Variants in ASAH1 observed in about 807,000 individuals in gnomAD.
The protein encoded by ASAH1 is N-acylsphingosine amidohydrolase 1.
ASAH1 carries 70 observed loss-of-function variants against 59.5 expected under a neutral mutation model. The observed-to-expected ratio is 1.18, with a 90% confidence interval of 0.97 to 1.43. The LOEUF (loss-of-function observed/expected upper bound fraction) is 1.43, where lower values mean the gene tolerates loss of function less well. ASAH1 is among the 40% of genes most tolerant of loss of function. The probability of loss-of-function intolerance (pLI) is 0.00; values close to 1 mark genes in which losing one functional copy is unlikely to be tolerated. For synonymous variants in ASAH1, 213 were observed against 166.5 expected (o/e 1.28, Z -2.15); for missense variants, 660 against 482.5 (o/e 1.37, Z -3.45).
intron 4 of ASAH1, chr8:18,068,340 A>T (rs1414630184): frequency 6.6e-6 from 1 of 152,212 alleles, no homozygotes; most frequent in African/African-American, 2.4e-5. Flanking sequence ...TAACATTCAG[A>T]GTAGAGGGGA....
chr8:18,082,042 T>C (rs996561976), intron 1 of ASAH1, among the ~76,000 whole-genome samples: 1 of 152,192 alleles, frequency 6.6e-6, no homozygotes, highest in African/African-American at 2.4e-5. Context: ...TTTGCAACAA[T>C]GAAAACTTGA....
chr8:18,082,759 C>G (rs1444309037), intron 1 of ASAH1, among the ~76,000 whole-genome samples: 1 of 152,126 alleles, frequency 6.6e-6, no homozygotes, highest in African/African-American at 2.4e-5. Flanking sequence ...TCAAAGAACA[C>G]TAAACCCAAT....
chr8:18,076,638 G>C (rs752189332), intron 1 of ASAH1: 1 of 152,158 alleles, frequency 6.6e-6, no homozygotes, highest in Non-Finnish European at 1.5e-5. Flanking sequence ...AGATAAAGTA[G>C]AGTAGGTAAG....
At chr8:18,067,141 G>GCA in intron 5 of ASAH1, 79 bp downstream of exon 5, 1 of 1,163,096 alleles carries the variant, frequency 8.6e-7, no homozygotes, top group Non-Finnish European at 1.2e-6. Flanking sequence ...CACCTGTGCT[G>GCA]TATGTATATC....
intron 1 of ASAH1, among the ~76,000 whole-genome samples, chr8:18,080,773 G>C (rs1800619841): frequency 6.6e-6 from 1 of 152,154 alleles, no homozygotes; most frequent in Non-Finnish European, 1.5e-5. Context: ...GGCCAGGCTA[G>C]TCTCAAACTC....
rs1353922695 is a variant in ASAH1, at chr8:18,056,336, C to A, written c.*1198G>T. ...CATATTTAATAACCCACTTACATAA[C>A]CCTTGTTATTTAATTCAGATACGAT... is the stretch of plus-strand genomic sequence containing the variant. On this transcript the variant is annotated 3_prime_UTR_variant, in exon 14 of 14. Coordinates refer to ENST00000637790, the MANE Select transcript of ASAH1 (RefSeq NM_177924.5). 1 of 152,076 alleles carries A rather than the reference C, an allele frequency of 6.6e-6. No homozygotes were observed. The allele number at this position is 152,076 out of a possible 1,614,324, so 9.4% of individuals were successfully genotyped here.
At chr8:18,084,146 G>A (rs1800790205), upstream of ASAH1, 1 of 1,567,198 alleles carries the variant, frequency 6.4e-7, no homozygotes, top group South Asian at 1.1e-5. Context: ...CCCCTCCGCC[G>A]CGTGACCCGC....
chr8:18,082,310 C>T (rs928658965), intron 1 of ASAH1, among the ~76,000 whole-genome samples: 1 of 152,098 alleles, frequency 6.6e-6, no homozygotes, highest in African/African-American at 2.4e-5. Context: ...GAAAAAACAG[C>T]CTCCAACACC....
At chr8:18,073,202 T>G in intron 2 of ASAH1, 1 of 1,467,322 alleles carries the variant, frequency 6.8e-7, no homozygotes. Context: ...CTAAAACATT[T>G]CAGTATTTAA....
chr8:18,063,253 G>C, intron 6 of ASAH1, 23 bp from the exon 7 acceptor site: 1 of 1,590,484 alleles, frequency 6.3e-7, no homozygotes. Flanking sequence ...AGACAGAAGA[G>C]ACGTGTAATA....
chr8:18,081,429 T>G (rs894594814), intron 1 of ASAH1, among the ~76,000 whole-genome samples: 1 of 152,206 alleles, frequency 6.6e-6, no homozygotes, highest in Non-Finnish European at 1.5e-5. Context: ...TAAAACCATC[T>G]AATGGCCTCC....
At position 18,062,423 on chromosome 8, in the gene ASAH1, C is replaced by T. The variant is rs1207732153; in HGVS notation, c.504G>A (p.Gly168=). 4 of 1,613,966 alleles carry T rather than the reference C, an allele frequency of 2.5e-6. No homozygotes were observed. In the East Asian group the frequency reaches 6.7e-5, roughly 27 times the overall value. The change falls in exon 8 of 14, where the codon GGG becomes GGA. Residue 168 remains glycine, a splice_region_variant and synonymous_variant. Coordinates refer to ENST00000637790, the MANE Select transcript of ASAH1 (RefSeq NM_177924.5). ...CCCAGGTATCATTATTTATGTTCCA[C>T]CTATAAAAGACATGTTTCAGTGACA... is the stretch of plus-strand genomic sequence containing the variant. The part of the protein sequence containing the change: ...GRNMDFGVFL[G]WNINNDTWVI...
intron 1 of ASAH1, among the ~76,000 whole-genome samples, chr8:18,079,345 A>G (rs1310201685): frequency 6.6e-6 from 1 of 151,744 alleles, no homozygotes; most frequent in Admixed American, 6.6e-5. Context: ...AAATTCTCTA[A>G]TTTTTCTGGT....
At chr8:18,060,511 T>A (rs1457250687) in intron 10 of ASAH1, 1 of 152,242 alleles carries the variant, frequency 6.6e-6, no homozygotes. Flanking sequence ...TATGTAGGAC[T>A]TAGAGAACAG....
At position 18,070,213 on chromosome 8, in the gene ASAH1, G is replaced by A. The variant is rs142113173; in HGVS notation, c.217-335C>T. On this transcript the variant is annotated intron_variant, in intron 3 of 13. Coordinates refer to ENST00000637790, the MANE Select transcript of ASAH1 (RefSeq NM_177924.5). Reference sequence around the variant, plus strand: ...CGCCCAGGCCGGAGTGCAATGGCACGATCTCTGCTCACCGCAACCTCTGCC... The same window carrying A: ...CGCCCAGGCCGGAGTGCAATGGCACAATCTCTGCTCACCGCAACCTCTGCC... 1.3e-3 allele frequency among the ~76,000 whole-genome samples: 200 copies of A among 150,712 alleles called. 1 individual carries two copies. Among genetic ancestry groups the A allele is most frequent in the African/African-American group, 4.5e-3 (186 of 41,054 alleles).
rs917820140 is a variant in ASAH1 at position 18,056,481 on chromosome 8, A to G, written c.*1053T>C. The G allele has an allele frequency of 2.0e-5, 3 of 152,226 alleles. No homozygotes were observed. Among genetic ancestry groups the G allele is most frequent in the African/African-American group, 7.2e-5 (3 of 41,456 alleles). 9.4% of individuals were successfully genotyped at this position (152,226 alleles called of 1,614,324 possible). Reference sequence around the variant, plus strand: ...TTCCAGTGACTGTTTATTGAGTGTCAGGAACACAACTGTGATTATACAAAA... The same window carrying G: ...TTCCAGTGACTGTTTATTGAGTGTCGGGAACACAACTGTGATTATACAAAA... On this transcript the variant is annotated 3_prime_UTR_variant, in exon 14 of 14. Coordinates refer to ENST00000637790, the MANE Select transcript of ASAH1 (RefSeq NM_177924.5).
intron 6 of ASAH1, 152 bp from the exon 7 acceptor site, chr8:18,063,382 C>A (rs549659684): frequency 2.8e-6 from 2 of 704,640 alleles, no homozygotes; most frequent in African/African-American, 1.8e-5. Context: ...CAGCTCACTG[C>A]GACCTCTGCC....
Position 18,069,794 on chromosome 8 carries a change from AT to A in ASAH1, c.300del (p.Lys100AsnfsTer17). 1 of 1,562,840 alleles carries A rather than the reference AT, an allele frequency of 6.4e-7. No individual in the cohort carries two copies. The highest frequency in any genetic ancestry group is 8.8e-7 in the Non-Finnish European group (1 of 1,134,644). ...SGKIMQVVDE[K>X]LPGLLGNFPG... ...TTGTGAGAAATAATATCTCTTACCA[AT>A]TTTTCATCCACCACCTGCATAATTT... is the stretch of plus-strand genomic sequence containing the variant. On this transcript the variant is annotated frameshift_variant, in exon 4 of 14. Transcript: ENST00000637790. LOFTEE classifies it high-confidence loss of function.
intron 4 of ASAH1, among the ~76,000 whole-genome samples, chr8:18,069,185 A>C (rs1288999289): frequency 6.6e-6 from 1 of 151,544 alleles, no homozygotes; most frequent in African/African-American, 2.4e-5. Flanking sequence ...AAATGTCATT[A>C]ATGCCCAAAA....
Sources: allele counts gnomAD v4.1 joint callset (sites outside exome capture counted in the v4.1 genomes callset), GRCh38; gene constraint gnomAD v4.1.1; transcripts MANE v1.5; gene names NCBI Gene and HGNC (gene_info 2026-07-23, HGNC 2026-07-21).